PDSS2: variants seen among roughly 807,000 people sequenced by gnomAD.
PDSS2 encodes the protein all trans-polyprenyl-diphosphate synthase PDSS2.
In PDSS2, 31 loss-of-function variants were observed where a neutral mutation model predicts 44.5. The observed-to-expected ratio is 0.70, with a 90% CI of 0.52 to 0.94. The LOEUF (loss-of-function observed/expected upper bound fraction) is 0.94, where lower values mean the gene tolerates loss of function less well. Ranked by LOEUF, PDSS2 falls within the 40% of genes least tolerant of loss-of-function variation. PDSS2 has a pLI of 0.00. For missense variants in PDSS2, 452 were observed against 482.2 expected (o/e 0.94, Z 0.59); for synonymous variants, 157 against 180.3 (o/e 0.87, Z 1.03).
At chr6:107,256,872 A>T (rs565693488) in intron 3 of PDSS2, among the ~76,000 whole-genome samples, 72 of 151,426 alleles carry the variant, frequency 4.8e-4, no homozygotes, top group South Asian at 1.3e-3. Flanking sequence ...AGAAATAAAT[A>T]AATTAATTAA....
intron 1 of PDSS2, among the ~76,000 whole-genome samples, chr6:107,457,614 AG>A (rs1394519916): frequency 1.3e-5 from 2 of 152,086 alleles, no homozygotes; most frequent in African/African-American, 2.4e-5. Flanking sequence ...AAATGTCCTC[AG>A]GGGGGGAAAA....
At chr6:107,432,650 C>T (rs1002124264) in intron 1 of PDSS2, among the ~76,000 whole-genome samples, 4 of 152,136 alleles carry the variant, frequency 2.6e-5, no homozygotes, top group African/African-American at 7.2e-5. Flanking sequence ...GTGGTGCACG[C>T]CTGTGGCTGA....
chr6:107,299,231 A>G lies in PDSS2; in HGVS notation c.432-25004T>C, dbSNP rs138812875. 2.6e-3 allele frequency among the ~76,000 whole-genome samples: 392 copies of G among 150,606 alleles called. 1 individual carries two copies. The highest frequency in any genetic ancestry group is 7.7e-3 in the East Asian group (39 of 5,092). On this transcript the variant is annotated intron_variant, in intron 2 of 7. Coordinates refer to ENST00000369037, the MANE Select transcript of PDSS2 (RefSeq NM_020381.4). The stretch of plus-strand genomic sequence containing the variant: ...AAAAACCCTCTCAGAACATTTTTTG[A>G]GATCCCAAATTCAAATTCCAGTTGT...
chr6:107,332,721 T>C (rs1453706148), intron 2 of PDSS2, among the ~76,000 whole-genome samples: 1 of 152,190 alleles, frequency 6.6e-6, no homozygotes, highest in African/African-American at 2.4e-5. Context: ...CTCAAAATTT[T>C]TGAATCTGTT....
chr6:107,459,226 C>T lies in PDSS2; in HGVS notation c.60G>A (p.Pro20=), dbSNP rs745793346. The T allele has an allele frequency of 6.2e-7, 1 of 1,614,084 alleles. No homozygotes were observed. The highest frequency in any genetic ancestry group is 8.5e-7 in the Non-Finnish European group (1 of 1,180,004). ...LPRYLGASGS[P]RRLWWSPSLD... Reference sequence around the variant, plus strand: ...GGGACGGGGACCACCACAGGCGACGCGGGGAACCCGAGGCTCCAAGATAAC... The same window carrying T: ...GGGACGGGGACCACCACAGGCGACGTGGGGAACCCGAGGCTCCAAGATAAC... Residue 20 remains proline, a synonymous_variant, in exon 1 of 8, where the codon CCG becomes CCA. Coordinates refer to ENST00000369037, the MANE Select transcript of PDSS2 (RefSeq NM_020381.4). The surrounding 1 kb of genome is among the most constrained non-coding windows in gnomAD (Gnocchi z 4.3).
In PDSS2 at chr6:107,288,701, T is replaced by G. The variant is rs572438602; in HGVS notation, c.432-14474A>C. ...ACGAGTTTAGGTTTTTCTAGAGCAG[T>G]ATGGGGTCATTAAGGAGGGGCTGGA... is the stretch of plus-strand genomic sequence containing the variant. On this transcript the variant is annotated intron_variant, in intron 2 of 7. Transcript: ENST00000369037. Among the ~76,000 whole-genome samples the G allele has an allele frequency of 1.2e-4, 18 of 150,410 alleles. No individual in the cohort carries two copies. The South Asian group carries it at 3.6e-3, about 30-fold the overall frequency.
chr6:107,402,550 TATAA>T (rs1455016841), intron 1 of PDSS2, among the ~76,000 whole-genome samples: 312 of 16,176 alleles, frequency 0.019, 3 homozygotes, highest in African/African-American at 0.029. Context: ...TATATATATA[TATAA>T]AAATATATAT....
chr6:107,279,015 T>C (rs1201303789), intron 2 of PDSS2, among the ~76,000 whole-genome samples: 1 of 151,024 alleles, frequency 6.6e-6, no homozygotes, highest in Non-Finnish European at 1.5e-5. Flanking sequence ...AGGTCGGGAG[T>C]TCAAGAGCAG....
At chr6:107,351,484 G>T (rs1242031935) in intron 1 of PDSS2, among the ~76,000 whole-genome samples, 1 of 152,142 alleles carries the variant, frequency 6.6e-6, no homozygotes, top group Non-Finnish European at 1.5e-5. Context: ...AGCCTATCAA[G>T]ATGCTTGACT....
intron 3 of PDSS2, among the ~76,000 whole-genome samples, chr6:107,252,925 A>G (rs1354839628): frequency 6.6e-6 from 1 of 152,228 alleles, no homozygotes; most frequent in Non-Finnish European, 1.5e-5. Flanking sequence ...TGTGCCTGGT[A>G]CTGTACTAAT....
intron 1 of PDSS2, among the ~76,000 whole-genome samples, chr6:107,434,616 G>C (rs1247664880): frequency 1.3e-5 from 2 of 152,174 alleles, no homozygotes; most frequent in Non-Finnish European, 2.9e-5. Context: ...ATAGTGGCAG[G>C]TGGGTGGTAG....
chr6:107,306,119 A>G (rs1776851955), intron 2 of PDSS2, among the ~76,000 whole-genome samples: 1 of 152,138 alleles, frequency 6.6e-6, no homozygotes, highest in African/African-American at 2.4e-5. Flanking sequence ...TCTTTTTTCT[A>G]ATTCCTGATG....
intron 6 of PDSS2, among the ~76,000 whole-genome samples, chr6:107,195,114 G>A (rs1016606489): frequency 6.6e-6 from 1 of 152,052 alleles, no homozygotes; most frequent in African/African-American, 2.4e-5. Flanking sequence ...TTTTGTTCCT[G>A]AGTCCAAATT....
At chr6:107,259,695 AG>A (rs1247007917) in intron 3 of PDSS2, among the ~76,000 whole-genome samples, 1 of 151,908 alleles carries the variant, frequency 6.6e-6, no homozygotes, top group Non-Finnish European at 1.5e-5. Flanking sequence ...AATAGAAAAA[AG>A]AAAAAATGAA....
chr6:107,423,426 T>A (rs1303172999), intron 1 of PDSS2, among the ~76,000 whole-genome samples: 2 of 152,218 alleles, frequency 1.3e-5, no homozygotes, highest in Non-Finnish European at 2.9e-5. Context: ...TGGTAACTTG[T>A]ATCAATATCA....
intron 2 of PDSS2, among the ~76,000 whole-genome samples, chr6:107,277,815 T>C (rs1775836029): frequency 6.6e-6 from 1 of 151,866 alleles, no homozygotes; most frequent in South Asian, 2.1e-4. Context: ...TAGCCAGGCG[T>C]GTTGGCGGGT....
In PDSS2 at chr6:107,369,732, G is replaced by A. The variant is rs185738880; in HGVS notation, c.297-35400C>T. On this transcript the variant is annotated intron_variant, in intron 1 of 7. Transcript: ENST00000369037. The stretch of plus-strand genomic sequence containing the variant: ...AATAAAAAATCATCTCAGGCCAGGT[G>A]CAGTGGCTCCACCTGTAATACCAGA... Among the ~76,000 whole-genome samples the A allele has an allele frequency of 3.0e-3, 460 of 152,122 alleles. 3 individuals carry two copies. The highest frequency in any genetic ancestry group is 0.01 in the African/African-American group (425 of 41,504).
chr6:107,458,874 A>C (rs1562556153), intron 1 of PDSS2, 116 bp downstream of exon 1: 4 of 865,434 alleles, frequency 4.6e-6, no homozygotes, highest in Non-Finnish European at 5.6e-6. Context: ...GTAAAAAGGA[A>C]GGACTAAAAA....
At chr6:107,270,763 A>G (rs1471070026) in intron 3 of PDSS2, among the ~76,000 whole-genome samples, 3 of 152,198 alleles carry the variant, frequency 2.0e-5, no homozygotes, top group Non-Finnish European at 4.4e-5. Context: ...TGAATTTCCA[A>G]TCTCACTCAC....
Sources: allele counts gnomAD v4.1 joint callset (sites outside exome capture counted in the v4.1 genomes callset), GRCh38; gene constraint gnomAD v4.1.1; non-coding constraint Gnocchi (gnomAD v3.1); transcripts MANE v1.5; gene names NCBI Gene and HGNC (gene_info 2026-07-23, HGNC 2026-07-21).